FIGNL1: variants seen among roughly 807,000 people sequenced by gnomAD.
FIGNL1 encodes fidgetin like 1.
In FIGNL1, 11 loss-of-function variants were observed where a neutral mutation model predicts 28.9. The observed-to-expected ratio is 0.38, with a 90% CI of 0.24 to 0.63. The LOEUF (loss-of-function observed/expected upper bound fraction) is 0.63. FIGNL1 is among the 20% of genes least tolerant of loss of function. FIGNL1 has a pLI of 0.57. For synonymous variants in FIGNL1, 295 were observed against 276.5 expected, an observed-to-expected ratio of 1.07 and a Z score of -0.66; for missense variants, 789 against 810.4, an observed-to-expected ratio of 0.97 and a Z score of 0.32.
At chr7:50,447,398 G>A in intron 3 of FIGNL1, 101 bp from the exon 4 acceptor site, 1 of 771,606 alleles carries the variant, frequency 1.3e-6, no homozygotes, top group Non-Finnish European at 2.0e-6. Context: ...AAGGGACACT[G>A]GACTTTTTAT....
chr7:50,448,638 T>A (rs1264166216), intron 2 of FIGNL1: 1 of 152,236 alleles, frequency 6.6e-6, no homozygotes, highest in Non-Finnish European at 1.5e-5. Context: ...TTTTGTTTCC[T>A]AACAGTATTT....
Position 50,445,592 on chromosome 7 carries a change from G to GA in FIGNL1, c.1695dup (p.Pro566SerfsTer14), listed in dbSNP as rs1157555832. 1.2e-6 allele frequency: 2 copies of GA among 1,614,136 alleles called. No homozygotes were observed. The highest frequency in any genetic ancestry group is 1.7e-6 in the Non-Finnish European group (2 of 1,180,024). On this transcript the variant is annotated frameshift_variant, in exon 4 of 4. Coordinates refer to ENST00000433017, the MANE Select transcript of FIGNL1 (RefSeq NM_001287492.4). LOFTEE classifies it low-confidence loss of function (END_TRUNC). ...TTCCTGGCTGAAGCTTCTGGGAGGG[G>GA]AATATAAAGCCTTTTCACCAATCTT...
At chr7:50,447,326 G>A (rs1821171837) in intron 3 of FIGNL1, 29 bp from the exon 4 acceptor site, 4 of 1,441,606 alleles carry the variant, frequency 2.8e-6, no homozygotes, top group South Asian at 1.4e-5. Flanking sequence ...ATGAAAATCA[G>A]TATGAAGGAA....
Position 50,445,441 on chromosome 7 carries a change from G to A in FIGNL1, c.1847C>T (p.Ser616Phe). ...TTGTAAACTGCGAATAGGACCAAGA[G>A]AAGCCTCCCTGCAAAGCTGTGTCAT... ...ADMTQLCREA[S>F]LGPIRSLQTA... Residue 616 changes from serine (S) to phenylalanine (F), a missense_variant, in exon 4 of 4, where the codon TCT becomes TTT. By Grantham distance (155) the Ser-to-Phe change is radical (BLOSUM62 -2). Transcript: ENST00000433017. 6.2e-7 allele frequency: 1 copy of A among 1,614,134 alleles called. No individual in the cohort carries two copies. The highest frequency in any genetic ancestry group is 8.5e-7 in the Non-Finnish European group (1 of 1,180,002).
Position 50,444,651 on chromosome 7 carries a change from G to A in FIGNL1, c.*612C>T, listed in dbSNP as rs940056125. ...AAAATATTAATGTTAAATATCACAC[G>A]CTCCCGTGAAAATAACCAACATTCT... On this transcript the variant is annotated 3_prime_UTR_variant, in exon 4 of 4. Coordinates refer to ENST00000433017, the MANE Select transcript of FIGNL1 (RefSeq NM_001287492.4). 3 of 152,026 alleles carry A rather than the reference G, an allele frequency of 2.0e-5. No homozygotes were observed. Among genetic ancestry groups the A allele is most frequent in the Non-Finnish European group, 4.4e-5 (3 of 68,010 alleles). The allele number at this position is 152,026 out of a possible 1,614,324, so 9.4% of individuals were successfully genotyped here.
chr7:50,447,015 T>C lies in FIGNL1; in HGVS notation c.273A>G (p.Gly91=). Residue 91 remains glycine, a synonymous_variant, in exon 4 of 4, where the codon GGA becomes GGG. Coordinates refer to ENST00000433017, the MANE Select transcript of FIGNL1 (RefSeq NM_001287492.4). ...ACTTGTCACTATCTGTTTGTTGAGATCCTGCCAAAGTTAAAATGTTTTCTG... is the reference window on the plus strand; with the variant it reads ...ACTTGTCACTATCTGTTTGTTGAGACCCTGCCAAAGTTAAAATGTTTTCTG... The part of the protein sequence containing the change: ...NYAENILTLA[G]SQQTDSDKWQ... 1 of 1,614,250 alleles carries C rather than the reference T, an allele frequency of 6.2e-7. No homozygotes were observed. Among genetic ancestry groups the C allele is most frequent in the Non-Finnish European group, 8.5e-7 (1 of 1,180,048 alleles).
In FIGNL1 at chr7:50,445,319, G is replaced by A; in HGVS notation, c.1969C>T (p.Pro657Ser). 3.1e-6 allele frequency: 5 copies of A among 1,595,256 alleles called. No homozygotes were observed. The highest frequency in any genetic ancestry group is 4.3e-6 in the Non-Finnish European group (5 of 1,173,804). ...TTTTCATAAAGCTCTAAATCTTTTG[G>A]AGAAACACTAGGTCGCACAGTTCTA... ...AFRTVRPSVS[P>S]KDLELYENWN... Residue 657 changes from proline (P) to serine (S), a missense_variant, in exon 4 of 4, where the codon CCA (proline) becomes TCA (serine). Physicochemically the swap from Pro to Ser is moderately conservative, Grantham distance 74 (BLOSUM62 -1). Coordinates refer to ENST00000433017, the MANE Select transcript of FIGNL1 (RefSeq NM_001287492.4).
chr7:50,447,071 C>T lies in FIGNL1; in HGVS notation c.217G>A (p.Asp73Asn), dbSNP rs764024814. Residue 73 changes from aspartate (D) to asparagine (N), a missense_variant, in exon 4 of 4, where the codon GAC becomes AAC. Transcript: ENST00000433017. ...TTATTCAACCCAGATTCAACATTGT[C>T]AGAATCAATAATTGCAGAATATTTC... is the stretch of plus-strand genomic sequence containing the variant. ...AEKYSAIIDS[D>N]NVESGLNNYA... The T allele has an allele frequency of 6.2e-7, 1 of 1,614,184 alleles. No homozygotes were observed. Among genetic ancestry groups the T allele is most frequent in the South Asian group, 1.1e-5 (1 of 91,074 alleles).
chr7:50,447,454 TTAAC>T (rs1294384183), intron 3 of FIGNL1, 157 bp from the exon 4 acceptor site: 9 of 533,232 alleles, frequency 1.7e-5, no homozygotes, highest in Admixed American at 3.7e-5. Flanking sequence ...AAATATCTAG[TTAAC>T]TATAGATTTC....
In FIGNL1 at chr7:50,446,799, T is replaced by C. The variant is rs753108450; in HGVS notation, c.489A>G (p.Leu163=). 1 of 1,614,088 alleles carries C rather than the reference T, an allele frequency of 6.2e-7. No individual in the cohort carries two copies. Among genetic ancestry groups the C allele is most frequent in the Admixed American group, 1.7e-5 (1 of 60,026 alleles). The change falls in exon 4 of 4, where the codon TTA becomes TTG. Residue 163 remains leucine, a synonymous_variant. Transcript: ENST00000433017. ...VCGSSQESDS[L]PNSAHDRDRT... is the part of the protein sequence containing the mutation. Reference sequence around the variant, plus strand: ...GGTCTCGATCATGAGCTGAGTTAGGTAATGAGTCACTCTCTTGAGAACTAC... The same window carrying C: ...GGTCTCGATCATGAGCTGAGTTAGGCAATGAGTCACTCTCTTGAGAACTAC...
At chr7:50,447,727 A>G (rs1489203570) in intron 3 of FIGNL1, among the ~76,000 whole-genome samples, 2 of 151,726 alleles carry the variant, frequency 1.3e-5, no homozygotes, top group Non-Finnish European at 2.9e-5. Context: ...CTGATGGTTT[A>G]TTTTTATTTT....
chr7:50,447,358 G>GC, intron 3 of FIGNL1, 61 bp from the exon 4 acceptor site: 1 of 1,251,378 alleles, frequency 8.0e-7, no homozygotes, highest in East Asian at 2.6e-5. Context: ...TACTTTAAAT[G>GC]TAATTTTGAA....
rs752910125 is a variant in FIGNL1, at chr7:50,445,826, C to T, written c.1462G>A (p.Val488Ile). 6.8e-6 allele frequency: 11 copies of T among 1,614,066 alleles called. No homozygotes were observed. The highest frequency in any genetic ancestry group is 7.6e-6 in the Non-Finnish European group (9 of 1,180,042). Residue 488 changes from valine (V) to isoleucine (I), a missense_variant, in exon 4 of 4, where the codon GTT becomes ATT. Physicochemically the swap from Val to Ile is conservative, Grantham distance 29. Transcript: ENST00000433017. ...GEKMVRALFAVARCQQPAVIF... is the reference protein window; with the variant it reads ...GEKMVRALFAIARCQQPAVIF... ...ACAGCTGGTTGCTGACACCTTGCAA[C>T]AGCAAACAATGCACGGACCATTTTC... is the stretch of plus-strand genomic sequence containing the variant.
At position 50,446,480 on chromosome 7, in the gene FIGNL1, A is replaced by C. The variant is rs759273253; in HGVS notation, c.808T>G (p.Ser270Ala). The C allele has an allele frequency of 6.2e-7, 1 of 1,614,198 alleles. No homozygotes were observed. Among genetic ancestry groups the C allele is most frequent in the East Asian group, 2.2e-5 (1 of 44,888 alleles). The part of the protein sequence containing the change: ...FYGSGTIDAL[S>A]NPILNKACSK... ...CAAGCCTTATTCAGTATTGGATTGG[A>C]AAGTGCATCAATGGTGCCAGAACCA... The change falls in exon 4 of 4, where the codon TCC becomes GCC. Residue 270 changes from serine to alanine, a missense_variant. Physicochemically the swap from Ser to Ala is moderately conservative, Grantham distance 99 (BLOSUM62 1). Transcript: ENST00000433017.
chr7:50,446,036 C>T lies in FIGNL1; in HGVS notation c.1252G>A (p.Val418Met). 1 of 1,614,202 alleles carries T rather than the reference C, an allele frequency of 6.2e-7. No homozygotes were observed. The highest frequency in any genetic ancestry group is 8.5e-7 in the Non-Finnish European group (1 of 1,180,038). ...ATGTCTGGCCTCAACATGGGCCACA[C>T]AACTATTTCCTTTATGGTGGCTTTA... is the stretch of plus-strand genomic sequence containing the variant. The part of the protein sequence containing the change: ...FAKATIKEIV[V>M]WPMLRPDIFT... The change falls in exon 4 of 4, where the codon GTG (valine) becomes ATG (methionine). Residue 418 changes from valine (V) to methionine (M), a missense_variant. Transcript: ENST00000433017.
rs568566917 is a variant in FIGNL1 at position 50,444,265 on chromosome 7, T to C, written c.*998A>G. 119 of 152,356 alleles carry C rather than the reference T, an allele frequency of 7.8e-4. No individual in the cohort carries two copies. The highest frequency in any genetic ancestry group is 2.8e-3 in the African/African-American group (118 of 41,580). 9.4% of individuals were successfully genotyped at this position (152,356 alleles called of 1,614,324 possible). ...ATAAACAACCTAGCGTCCTGTCCTATATGCGCTCTACCAGATGACTCAATT... is the reference window on the plus strand; with the variant it reads ...ATAAACAACCTAGCGTCCTGTCCTACATGCGCTCTACCAGATGACTCAATT... On this transcript the variant is annotated 3_prime_UTR_variant, in exon 4 of 4. Coordinates refer to ENST00000433017, the MANE Select transcript of FIGNL1 (RefSeq NM_001287492.4).
At position 50,445,463 on chromosome 7, in the gene FIGNL1, T is replaced by C. The variant is rs762381991; in HGVS notation, c.1825A>G (p.Thr609Ala). The change falls in exon 4 of 4, where the codon ACA becomes GCA. Residue 609 changes from threonine (T) to alanine (A), a missense_variant. Coordinates refer to ENST00000433017, the MANE Select transcript of FIGNL1 (RefSeq NM_001287492.4). The part of the protein sequence containing the change: ...QSDAFSGADM[T>A]QLCREASLGP... ...AGAGAAGCCTCCCTGCAAAGCTGTG[T>C]CATGTCTGCTCCTGAAAACGCATCA... The C allele has an allele frequency of 3.1e-6, 5 of 1,614,152 alleles. No individual in the cohort carries two copies.
At chr7:50,450,232 A>T (rs1477002080) in intron 1 of FIGNL1, 69 bp downstream of exon 1, 1 of 152,184 alleles carries the variant, frequency 6.6e-6, no homozygotes, top group Admixed American at 6.6e-5. Context: ...CCTCTCCCCT[A>T]CGCCCCAACC....
rs1585101374 is a variant in FIGNL1, at chr7:50,447,000, ATC to A, written c.286_287del (p.Asp96Ter). On this transcript the variant is annotated frameshift_variant, in exon 4 of 4. Coordinates refer to ENST00000433017, the MANE Select transcript of FIGNL1 (RefSeq NM_001287492.4). LOFTEE classifies it low-confidence loss of function (END_TRUNC). ...ACAATCCAGACTGCCACTTGTCACTATCTGTTTGTTGAGATCCTGCCAAAGTT... is the reference window on the plus strand; with the variant it reads ...ACAATCCAGACTGCCACTTGTCACTATGTTTGTTGAGATCCTGCCAAAGTT... ...ILTLAGSQQT[D>X]SDKWQSGLSI... 1 of 1,614,226 alleles carries A rather than the reference ATC, an allele frequency of 6.2e-7. No homozygotes were observed. The highest frequency in any genetic ancestry group is 8.5e-7 in the Non-Finnish European group (1 of 1,180,018).
Sources: allele counts gnomAD v4.1 joint callset (sites outside exome capture counted in the v4.1 genomes callset), GRCh38; gene constraint gnomAD v4.1.1; transcripts MANE v1.5; gene names NCBI Gene and HGNC (gene_info 2026-07-23, HGNC 2026-07-21).